The following C6orf132 variants were observed in gnomAD, a reference collection of about 807,000 sequenced individuals.
C6orf132 encodes the protein uncharacterized protein C6orf132.
A neutral mutation model predicts 65.3 loss-of-function variants in C6orf132; 43 were observed. That is an observed-to-expected ratio of 0.66 (90% CI 0.52 to 0.85). C6orf132 has a LOEUF of 0.85. C6orf132 is among the 40% of genes least tolerant of loss of function. The pLI is 0.00. For synonymous variants in C6orf132, 631 were observed against 654.1 expected (o/e 0.96, Z 0.54); for missense variants, 1,488 against 1,548.8 (o/e 0.96, Z 0.66).
chr6:42,108,721 C>T (rs1310978632), intron 3 of C6orf132, among the ~76,000 whole-genome samples: 1 of 152,160 alleles, frequency 6.6e-6, no homozygotes, highest in Non-Finnish European at 1.5e-5. Context: ...CCCAGCAGCG[C>T]ACATCCCTCT....
At chr6:42,130,800 C>CT (rs142411609) in intron 1 of C6orf132, among the ~76,000 whole-genome samples, 32,136 of 147,456 alleles carry the variant, frequency 0.22, 3,493 homozygotes, top group Middle Eastern at 0.26. Context: ...GAGATGGAGT[C>CT]TTTTTTTTTT....
chr6:42,136,886 G>A (rs748526741), intron 1 of C6orf132, among the ~76,000 whole-genome samples: 37 of 152,078 alleles, frequency 2.4e-4, no homozygotes, highest in Non-Finnish European at 4.1e-4. Context: ...GAATGGCGCC[G>A]CCCCCCCAGC....
intron 1 of C6orf132, among the ~76,000 whole-genome samples, chr6:42,141,761 T>C (rs1048690778): frequency 6.6e-6 from 1 of 152,140 alleles, no homozygotes; most frequent in African/African-American, 2.4e-5. Context: ...TGTTTTTTCC[T>C]GGGCCTCACC....
intron 1 of C6orf132, among the ~76,000 whole-genome samples, chr6:42,138,417 G>A (rs1198777402): frequency 6.6e-6 from 1 of 152,094 alleles, no homozygotes; most frequent in African/African-American, 2.4e-5. Flanking sequence ...TCAGCCTCCT[G>A]AGTAGCTGCA....
At chr6:42,140,511 CCTGA>C (rs1767015529) in intron 1 of C6orf132, among the ~76,000 whole-genome samples, 1 of 152,164 alleles carries the variant, frequency 6.6e-6, no homozygotes, top group Non-Finnish European at 1.5e-5. Context: ...ATCTCTGGAG[CCTGA>C]CTGCCTGGAT....
In C6orf132 at chr6:42,103,263, G is replaced by A; in HGVS notation, c.*498C>T. ...CTTGCTTGGGATGGCAGGTGATGGAGGCTAAAGATCTCCCTTCGGTGCCCT... is the reference window on the plus strand; with the variant it reads ...CTTGCTTGGGATGGCAGGTGATGGAAGCTAAAGATCTCCCTTCGGTGCCCT... On this transcript the variant is annotated 3_prime_UTR_variant, in exon 5 of 5. Coordinates refer to ENST00000341865, the MANE Select transcript of C6orf132 (RefSeq NM_001164446.3). 2.5e-6 allele frequency: 1 copy of A among 397,462 alleles called. No individual in the cohort carries two copies. Among genetic ancestry groups the A allele is most frequent in the Non-Finnish European group, 4.4e-6 (1 of 225,958 alleles). 24.6% of individuals were successfully genotyped at this position (397,462 alleles called of 1,614,324 possible).
In C6orf132 at chr6:42,106,011, T is replaced by C. The variant is rs1310587799; in HGVS notation, c.1901A>G (p.Lys634Arg). 1.3e-6 allele frequency: 2 copies of C among 1,537,102 alleles called. No individual in the cohort carries two copies. The highest frequency in any genetic ancestry group is 1.7e-6 in the Non-Finnish European group (2 of 1,146,894). The change falls in exon 4 of 5, where the codon AAG becomes AGG. Residue 634 changes from lysine (K) to arginine (R), a missense_variant. By Grantham distance (26) the Lys-to-Arg change is conservative. Coordinates refer to ENST00000341865, the MANE Select transcript of C6orf132 (RefSeq NM_001164446.3). ...TLLPTTSLQP[K>R]AMLGPAIPPK... is the part of the protein sequence containing the mutation. ...TGGTATGGCTGGTCCCAACATAGCC[T>C]TGGGCTGGAGTGATGTAGTTGGCAG... is the stretch of plus-strand genomic sequence containing the variant.
At position 42,106,867 on chromosome 6, in the gene C6orf132, C is replaced by T. The variant is rs1275712359; in HGVS notation, c.1045G>A (p.Ala349Thr). 13 of 1,533,960 alleles carry T rather than the reference C, an allele frequency of 8.5e-6. No homozygotes were observed. The highest frequency in any genetic ancestry group is 1.4e-5 in the African/African-American group (1 of 72,366). Residue 349 changes from alanine to threonine, a missense_variant, in exon 4 of 5, where the codon GCC becomes ACC. Ala to Thr is a moderately conservative substitution (Grantham distance 58). Transcript: ENST00000341865. The part of the protein sequence containing the change: ...PLPPSFHIRP[A>T]SQVYPDRAPE... Reference sequence around the variant, plus strand: ...GCCCTGTCTGGGTAGACCTGGGAGGCGGGGCGGATGTGGAAGCTGGGAGGC... The same window carrying T: ...GCCCTGTCTGGGTAGACCTGGGAGGTGGGGCGGATGTGGAAGCTGGGAGGC...
intron 1 of C6orf132, among the ~76,000 whole-genome samples, chr6:42,131,170 G>A (rs538802261): frequency 6.5e-4 from 99 of 151,188 alleles, no homozygotes; most frequent in Non-Finnish European, 1.1e-3. Context: ...ACAGGTGTGC[G>A]CCACCACACC....
In C6orf132 at chr6:42,103,109, C is replaced by T. The variant is rs1276841613; in HGVS notation, c.*652G>A. ...TCAATCTCCCACCTCTGCCCTTGGC[C>T]AATGCAAAGGGCTTCCATTCCACAT... On this transcript the variant is annotated 3_prime_UTR_variant, in exon 5 of 5. Coordinates refer to ENST00000341865, the MANE Select transcript of C6orf132 (RefSeq NM_001164446.3). 1.0e-5 allele frequency: 4 copies of T among 398,632 alleles called. 1 individual carries two copies. Among genetic ancestry groups the T allele is most frequent in the African/African-American group, 8.2e-5 (4 of 48,634 alleles). 24.7% of individuals were successfully genotyped at this position (398,632 alleles called of 1,614,324 possible).
Position 42,106,503 on chromosome 6 carries a change from A to T in C6orf132, c.1409T>A (p.Leu470Gln). Reference sequence around the variant, plus strand: ...GAGATAGGCTGCCAGCTCGTTCCGCAGCTTTTCCATCTGGCTGGGGTCCCT... The same window carrying T: ...GAGATAGGCTGCCAGCTCGTTCCGCTGCTTTTCCATCTGGCTGGGGTCCCT... ...DWRDPSQMEK[L>Q]RNELAAYLCG... Residue 470 changes from leucine (L) to glutamine (Q), a missense_variant, in exon 4 of 5, where the codon CTG becomes CAG. Physicochemically the swap from Leu to Gln is moderately radical, Grantham distance 113 (BLOSUM62 -2). Transcript: ENST00000341865. 6.5e-7 allele frequency: 1 copy of T among 1,535,072 alleles called. No homozygotes were observed. Among genetic ancestry groups the T allele is most frequent in the Non-Finnish European group, 8.7e-7 (1 of 1,146,272 alleles).
intron 1 of C6orf132, among the ~76,000 whole-genome samples, chr6:42,136,086 C>A (rs966419160): frequency 9.5e-5 from 14 of 148,120 alleles, no homozygotes; most frequent in Non-Finnish European, 1.5e-4. Flanking sequence ...ACATTGTGCA[C>A]ATGTACCCTA....
intron 1 of C6orf132, among the ~76,000 whole-genome samples, chr6:42,141,897 C>T (rs1019313171): frequency 1.3e-5 from 2 of 152,184 alleles, no homozygotes; most frequent in Non-Finnish European, 2.9e-5. Flanking sequence ...TCTTCAGGAA[C>T]ACTTTTGCTT....
At chr6:42,138,159 TG>T (rs1766978493) in intron 1 of C6orf132, among the ~76,000 whole-genome samples, 1 of 152,112 alleles carries the variant, frequency 6.6e-6, no homozygotes, top group African/African-American at 2.4e-5. Context: ...TTTTTTTGGG[TG>T]GGGGAGGACA....
At chr6:42,130,154 A>C (rs931576895) in intron 1 of C6orf132, among the ~76,000 whole-genome samples, 1 of 152,188 alleles carries the variant, frequency 6.6e-6, no homozygotes, top group African/African-American at 2.4e-5. Flanking sequence ...TCCACGTCTC[A>C]AAAGGGGCCC....
chr6:42,138,394 C>T (rs760263278), intron 1 of C6orf132, among the ~76,000 whole-genome samples: 10 of 152,180 alleles, frequency 6.6e-5, no homozygotes, highest in Non-Finnish European at 1.3e-4. Flanking sequence ...TGAACTCGAG[C>T]AGTCCTCCCG....
rs146997799 is a variant in C6orf132 at position 42,123,244 on chromosome 6, G to A, written c.252+5428C>T. On this transcript the variant is annotated intron_variant, in intron 2 of 4. Coordinates refer to ENST00000341865, the MANE Select transcript of C6orf132 (RefSeq NM_001164446.3). ...TAAAAATACAAAAAATTAGCCGGGCGTGGTGGCAGACGCCTGTAGTCTCAG... is the reference window on the plus strand; with the variant it reads ...TAAAAATACAAAAAATTAGCCGGGCATGGTGGCAGACGCCTGTAGTCTCAG... Among the ~76,000 whole-genome samples, 880 of 152,210 alleles carry A rather than the reference G, an allele frequency of 5.8e-3. 8 individuals are homozygous for A. The highest frequency in any genetic ancestry group is 0.02 in the African/African-American group (844 of 41,532).
At position 42,123,524 on chromosome 6, in the gene C6orf132, TGGAGGA is replaced by T. The variant is rs1205066564; in HGVS notation, c.252+5142_252+5147del. Among the ~76,000 whole-genome samples, 7 of 137,952 alleles carry T rather than the reference TGGAGGA, an allele frequency of 5.1e-5. No individual in the cohort carries two copies. In the East Asian group the frequency reaches 1.4e-3, roughly 29 times the overall value. The allele number at this position is 137,952 out of a possible 152,430, so 90.5% of individuals were successfully genotyped here. On this transcript the variant is annotated intron_variant, in intron 2 of 4. Transcript: ENST00000341865. ...AGAAAGAAGAAGGAGGAGAGGGAGG[TGGAGGA>T]GGAGGAGGAGAAGGAGAGGAAGAGG...
Position 42,106,866 on chromosome 6 carries a change from G to A in C6orf132, c.1046C>T (p.Ala349Val). The A allele has an allele frequency of 6.5e-7, 1 of 1,535,612 alleles. No homozygotes were observed. Residue 349 changes from alanine (A) to valine (V), a missense_variant, in exon 4 of 5, where the codon GCC becomes GTC. Transcript: ENST00000341865. ...PLPPSFHIRP[A>V]SQVYPDRAPE... is the part of the protein sequence containing the mutation. ...GGCCCTGTCTGGGTAGACCTGGGAGGCGGGGCGGATGTGGAAGCTGGGAGG... is the reference window on the plus strand; with the variant it reads ...GGCCCTGTCTGGGTAGACCTGGGAGACGGGGCGGATGTGGAAGCTGGGAGG...
Sources: allele counts gnomAD v4.1 joint callset (sites outside exome capture counted in the v4.1 genomes callset), GRCh38; gene constraint gnomAD v4.1.1; transcripts MANE v1.5; gene names NCBI Gene and HGNC (gene_info 2026-07-23, HGNC 2026-07-21).